Variants in RAP1GAP2 observed in about 807,000 individuals in gnomAD.
RAP1GAP2 encodes rap1 GTPase-activating protein 2.
Under a neutral mutation model 95.0 loss-of-function variants are expected in RAP1GAP2, and 27 were observed. The ratio of observed to expected loss-of-function variants is 0.28; its 90% CI spans 0.21 to 0.39. The LOEUF is 0.39. Among genes scored for constraint, RAP1GAP2 ranks in the 10% least tolerant of loss-of-function variants. The pLI, the probability that RAP1GAP2 is intolerant of heterozygous loss-of-function variation, is 1.00. For missense variants in RAP1GAP2, 771 were observed against 970.0 expected, an observed-to-expected ratio of 0.79 and a Z score of 2.72; for synonymous variants, 373 against 380.9, an observed-to-expected ratio of 0.98 and a Z score of 0.24.
intron 2 of RAP1GAP2, among the ~76,000 whole-genome samples, chr17:2,810,178 C>G (rs1295353259): frequency 6.6e-6 from 1 of 151,936 alleles, no homozygotes; most frequent in African/African-American, 2.4e-5. Context: ...CAAATGTGGA[C>G]CTTGCGAGCT....
chr17:3,006,895 G>A (rs1162284693), intron 16 of RAP1GAP2, among the ~76,000 whole-genome samples: 2 of 152,176 alleles, frequency 1.3e-5, no homozygotes, highest in African/African-American at 4.8e-5. Flanking sequence ...CAGTGTGCCA[G>A]CACTAGGCTG....
Position 3,029,714 on chromosome 17 carries a change from C to G in RAP1GAP2, c.2108-1208C>G, listed in dbSNP as rs2047231689. On this transcript the variant is annotated intron_variant, in intron 22 of 24. Transcript: ENST00000254695. This position sits in a 1 kb window ranked among gnomAD's most constrained non-coding sequence, Gnocchi z 4.4. ...GAAGGCTGCACTAAGCTTTCCATAC[C>G]CTCGGCCAGAGGACAGCCAGAAAGT... Among the ~76,000 whole-genome samples the G allele has an allele frequency of 6.6e-6, 1 of 152,070 alleles. No homozygotes were observed. The highest frequency in any genetic ancestry group is 2.1e-4 in the South Asian group (1 of 4,830).
At chr17:2,846,185 T>C (rs549039526) in intron 2 of RAP1GAP2, among the ~76,000 whole-genome samples, 9 of 149,778 alleles carry the variant, frequency 6.0e-5, no homozygotes, top group Admixed American at 5.3e-4. Context: ...TCTGTCTCAA[T>C]TGAAAAAAAA....
chr17:2,777,879 A>G (rs2068539761), intron 1 of RAP1GAP2, among the ~76,000 whole-genome samples: 1 of 151,906 alleles, frequency 6.6e-6, no homozygotes, highest in Non-Finnish European at 1.5e-5. Context: ...TCAGTTTCCC[A>G]TGGCGCTTTG....
intron 2 of RAP1GAP2, among the ~76,000 whole-genome samples, chr17:2,804,100 G>A (rs959643097): frequency 7.2e-5 from 11 of 152,100 alleles, no homozygotes; most frequent in Admixed American, 5.2e-4. Flanking sequence ...CCTTTGCTGG[G>A]TGAGGCATCT....
upstream of RAP1GAP2, among the ~76,000 whole-genome samples, chr17:2,792,356 T>G (rs1224688557): frequency 6.6e-6 from 1 of 152,180 alleles, no homozygotes; most frequent in African/African-American, 2.4e-5. Context: ...GCTCAGTGTT[T>G]CTGTTTGCTG....
chr17:2,998,483 T>G (rs1035186428), intron 14 of RAP1GAP2, 107 bp downstream of exon 14: 7 of 1,363,244 alleles, frequency 5.1e-6, no homozygotes, highest in Admixed American at 4.8e-5. Context: ...AGATTCTCCA[T>G]GAGTTTGCAG....
At chr17:2,805,108 G>A (rs906530767) in intron 2 of RAP1GAP2, among the ~76,000 whole-genome samples, 1 of 152,148 alleles carries the variant, frequency 6.6e-6, no homozygotes, top group Non-Finnish European at 1.5e-5. Flanking sequence ...CACAAAACAG[G>A]TTTTCAGTCT....
intron 3 of RAP1GAP2, among the ~76,000 whole-genome samples, chr17:2,921,373 T>C (rs79431977): frequency 0.032 from 4,880 of 152,074 alleles, 116 homozygotes; most frequent in African/African-American, 0.069. Flanking sequence ...GGCTAACTTT[T>C]TGTATTTTTA....
chr17:2,985,128 A>G (rs2045510036), intron 11 of RAP1GAP2, 62 bp downstream of exon 11: 16 of 1,606,546 alleles, frequency 1.0e-5, no homozygotes, highest in Non-Finnish European at 1.4e-5. Context: ...GACTCTTTTT[A>G]TCCCCACCCA....
At chr17:2,950,578 C>T (rs903528194) in intron 3 of RAP1GAP2, among the ~76,000 whole-genome samples, 6 of 150,188 alleles carry the variant, frequency 4.0e-5, no homozygotes, top group South Asian at 4.2e-4. Flanking sequence ...TGCCTAAGAG[C>T]GCTGAAGTCA....
At position 2,995,349 on chromosome 17, in the gene RAP1GAP2, C is replaced by T; in HGVS notation, c.927C>T (p.Gly309=). ...GTTTTGTTGACAGTTTCCGAGGAGG[C>T]CTGGACGTGACCCACGGACAGACAG... ...TLQDFKGFRG[G]LDVTHGQTGV... The change falls in exon 13 of 25, where the codon GGC becomes GGT. Residue 309 remains glycine (G), a synonymous_variant. Transcript: ENST00000254695. 1 of 1,613,660 alleles carries T rather than the reference C, an allele frequency of 6.2e-7. No homozygotes were observed. Among genetic ancestry groups the T allele is most frequent in the Non-Finnish European group, 8.5e-7 (1 of 1,179,594 alleles).
At chr17:2,773,682 T>C (rs2068439692), upstream of RAP1GAP2, among the ~76,000 whole-genome samples, 1 of 152,084 alleles carries the variant, frequency 6.6e-6, no homozygotes, top group Non-Finnish European at 1.5e-5. Flanking sequence ...ATACTATTCA[T>C]TCATTCATTC....
chr17:2,757,963 G>A (rs993807537), intron 1 of RAP1GAP2, among the ~76,000 whole-genome samples: 4 of 151,630 alleles, frequency 2.6e-5, no homozygotes, highest in African/African-American at 7.3e-5. Context: ...TCCGCCTGCC[G>A]GGTTCACACC....
At position 2,927,994 on chromosome 17, in the gene RAP1GAP2, A is replaced by G. The variant is rs114838158; in HGVS notation, c.165+22626A>G. Among the ~76,000 whole-genome samples the G allele has an allele frequency of 2.8e-3, 421 of 152,346 alleles. 1 individual carries two copies. Among genetic ancestry groups the G allele is most frequent in the African/African-American group, 9.7e-3 (405 of 41,582 alleles). ...GCATTTCCACAGAGAGAAGAGGGAC[A>G]TAGCACACACGCTGCAGCCTAGAGG... On this transcript the variant is annotated intron_variant, in intron 3 of 24. Coordinates refer to ENST00000254695, the MANE Select transcript of RAP1GAP2 (RefSeq NM_015085.5).
chr17:2,941,023 A>G (rs1485538629), intron 3 of RAP1GAP2, among the ~76,000 whole-genome samples: 1 of 152,070 alleles, frequency 6.6e-6, no homozygotes, highest in Admixed American at 6.6e-5. Flanking sequence ...AAACGGCCCA[A>G]CCTCTCTGGA....
At chr17:3,031,928 C>T (rs559102263) in intron 23 of RAP1GAP2, among the ~76,000 whole-genome samples, 237 of 145,614 alleles carry the variant, frequency 1.6e-3, no homozygotes, top group Middle Eastern at 4.6e-3. Context: ...ACCAGACTAT[C>T]GAGAGCTCCA....
intron 2 of RAP1GAP2, among the ~76,000 whole-genome samples, chr17:2,808,063 G>A (rs1158964835): frequency 6.6e-6 from 1 of 152,164 alleles, no homozygotes; most frequent in African/African-American, 2.4e-5. Flanking sequence ...ATGGAGGCCT[G>A]TTAACAGGAA....
upstream of RAP1GAP2, among the ~76,000 whole-genome samples, chr17:2,796,007 G>A (rs1015271131): frequency 6.6e-6 from 1 of 152,182 alleles, no homozygotes; most frequent in African/African-American, 2.4e-5. This position sits in a 1 kb window ranked among gnomAD's most constrained non-coding sequence, Gnocchi z 4.7. Context: ...CATGTGTGTG[G>A]CTGGTTCCTC....
Sources: gnomAD v4.1 joint callset for allele counts (sites outside exome capture counted in the v4.1 genomes callset) on GRCh38, gnomAD v4.1.1 for gene constraint, Gnocchi (gnomAD v3.1) non-coding constraint, MANE v1.5 for transcripts, NCBI Gene and HGNC (gene_info 2026-07-23, HGNC 2026-07-21) for gene names.